Variants in ARHGEF3 observed in about 807,000 individuals in gnomAD.
The protein encoded by ARHGEF3 is 59.8 kDA protein.
ARHGEF3 carries 28 observed loss-of-function variants against 63.2 expected under a neutral mutation model. That is an observed-to-expected ratio of 0.44 (90% CI 0.33 to 0.61). The LOEUF (loss-of-function observed/expected upper bound fraction) is 0.61, where lower values mean the gene tolerates loss of function less well. Among genes scored for constraint, ARHGEF3 ranks in the 20% least tolerant of loss-of-function variants. The pLI is 0.03. For synonymous variants in ARHGEF3, 266 were observed against 254.2 expected (o/e 1.05, Z -0.44); for missense variants, 533 against 659.3 (o/e 0.81, Z 2.10).
intron 1 of ARHGEF3, among the ~76,000 whole-genome samples, chr3:57,061,518 T>G (rs1434674852): frequency 1.3e-5 from 2 of 152,226 alleles, no homozygotes; most frequent in African/African-American, 2.4e-5. Context: ...ACATACCACA[T>G]TTTGTTTATC....
intron 3 of ARHGEF3, among the ~76,000 whole-genome samples, chr3:56,918,385 C>T (rs1255090925): frequency 1.3e-5 from 2 of 152,244 alleles, no homozygotes; most frequent in Non-Finnish European, 2.9e-5. Context: ...GAAACATTCA[C>T]ATGAACAAAT....
chr3:56,750,571 A>T (rs996501718), intron 6 of ARHGEF3, among the ~76,000 whole-genome samples: 1 of 151,970 alleles, frequency 6.6e-6, no homozygotes, highest in African/African-American at 2.4e-5. Flanking sequence ...TGGCCTAAAA[A>T]GTTTTTTTTA....
At chr3:56,918,843 T>C (rs1197869294) in intron 3 of ARHGEF3, among the ~76,000 whole-genome samples, 1 of 152,242 alleles carries the variant, frequency 6.6e-6, no homozygotes, top group Admixed American at 6.5e-5. Context: ...TACATTTTAA[T>C]AGTAACATAG....
intron 1 of ARHGEF3, among the ~76,000 whole-genome samples, chr3:57,055,514 T>C: frequency 6.6e-6 from 1 of 152,200 alleles, no homozygotes; most frequent in Non-Finnish European, 1.5e-5. Flanking sequence ...CCTCATCTCA[T>C]GTAGAAATTC....
chr3:57,006,215 G>C (rs1702461089), intron 2 of ARHGEF3, among the ~76,000 whole-genome samples: 1 of 152,188 alleles, frequency 6.6e-6, no homozygotes, highest in Non-Finnish European at 1.5e-5. Flanking sequence ...AACCATCCCA[G>C]TCATGCATTA....
chr3:56,926,495 A>G (rs2042279082), intron 3 of ARHGEF3, among the ~76,000 whole-genome samples: 1 of 152,252 alleles, frequency 6.6e-6, no homozygotes. Context: ...AAGTACACAA[A>G]CATAAATATA....
intron 9 of ARHGEF3, among the ~76,000 whole-genome samples, chr3:56,730,794 C>A (rs2033095123): frequency 1.3e-5 from 2 of 152,196 alleles, no homozygotes; most frequent in African/African-American, 4.8e-5. Flanking sequence ...ACCCTGCAGC[C>A]AGTAGACTGG....
chr3:56,893,588 C>G (rs539411653), intron 3 of ARHGEF3, among the ~76,000 whole-genome samples: 1 of 152,116 alleles, frequency 6.6e-6, no homozygotes, highest in African/African-American at 2.4e-5. Context: ...GGCGGATCAC[C>G]TGAGGTCAGG....
chr3:56,848,244 G>A (rs893189212), intron 4 of ARHGEF3, among the ~76,000 whole-genome samples: 44 of 152,296 alleles, frequency 2.9e-4, no homozygotes, highest in Middle Eastern at 6.8e-3. Context: ...TAACTGTTAG[G>A]ACTGGGTGAG....
chr3:56,799,226 C>T (rs1176990921), intron 1 of ARHGEF3, among the ~76,000 whole-genome samples: 1 of 152,120 alleles, frequency 6.6e-6, no homozygotes, highest in African/African-American at 2.4e-5. Context: ...TCCCCAGGAG[C>T]CTTTTCCTAA....
rs1342180735 is a variant in ARHGEF3, at chr3:56,745,389, T to G, written c.686A>C (p.Lys229Thr). ...VAAKALLDHK[K>T]QDHRVQDFLQ... ...GAAATCCTGGACTCGGTGATCTTGC[T>G]TTTTGTGGTCCAGCAGAGCTTTGGC... The change falls in exon 7 of 10, where the codon AAG becomes ACG. Residue 229 changes from lysine to threonine, a missense_variant. Physicochemically the swap from Lys to Thr is moderately conservative, Grantham distance 78. Around this residue, in one of 4 missense-constraint regions of ARHGEF3, gnomAD observed 107 missense variants for 207.9 expected, o/e 0.51. Transcript: ENST00000296315. 1 of 1,614,034 alleles carries G rather than the reference T, an allele frequency of 6.2e-7. No homozygotes were observed. Among genetic ancestry groups the G allele is most frequent in the African/African-American group, 1.3e-5 (1 of 74,930 alleles).
intron 2 of ARHGEF3, among the ~76,000 whole-genome samples, chr3:57,012,598 T>C (rs1305561592): frequency 1.3e-5 from 2 of 152,148 alleles, no homozygotes; most frequent in African/African-American, 4.8e-5. Flanking sequence ...ACAACTGACA[T>C]AGAAGGTGGG....
chr3:57,014,118 C>G (rs1475337965), intron 2 of ARHGEF3, among the ~76,000 whole-genome samples: 1 of 151,994 alleles, frequency 6.6e-6, no homozygotes, highest in African/African-American at 2.4e-5. Context: ...CCAGACGTGA[C>G]CCCTTAAGAG....
chr3:56,861,601 T>C (rs890124793), intron 4 of ARHGEF3, among the ~76,000 whole-genome samples: 2 of 152,128 alleles, frequency 1.3e-5, no homozygotes, highest in African/African-American at 4.8e-5. Flanking sequence ...GAAGGGGCTA[T>C]GGATCTCCCA....
intron 1 of ARHGEF3, among the ~76,000 whole-genome samples, chr3:57,044,320 TG>T (rs1299458369): frequency 4.6e-5 from 7 of 151,922 alleles, no homozygotes; most frequent in Non-Finnish European, 8.8e-5. Context: ...GTGGTCCACT[TG>T]GGGGGGTTGG....
At chr3:57,040,618 T>C (rs775484963) in intron 1 of ARHGEF3, among the ~76,000 whole-genome samples, 19 of 151,962 alleles carry the variant, frequency 1.3e-4, no homozygotes, top group Non-Finnish European at 1.9e-4. Context: ...CAAAGTTCTG[T>C]TTCTTAATAC....
At chr3:56,913,108 G>C (rs761899721) in intron 3 of ARHGEF3, among the ~76,000 whole-genome samples, 2 of 151,680 alleles carry the variant, frequency 1.3e-5, no homozygotes, top group Non-Finnish European at 2.9e-5. Flanking sequence ...CACTGCACTC[G>C]AGCCTGGGCT....
chr3:56,847,659 C>A (rs982476873), intron 4 of ARHGEF3, among the ~76,000 whole-genome samples: 2 of 152,148 alleles, frequency 1.3e-5, no homozygotes, highest in Non-Finnish European at 2.9e-5. Context: ...CTCACTGCAA[C>A]CTTCGTCTCC....
chr3:56,975,672 C>T (rs1701097690), intron 2 of ARHGEF3: 1 of 304,268 alleles, frequency 3.3e-6, no homozygotes, highest in Non-Finnish European at 6.4e-6. Flanking sequence ...GGCAATCTGG[C>T]TCTAGAGTTG....
Sources: allele counts gnomAD v4.1 joint callset (sites outside exome capture counted in the v4.1 genomes callset), GRCh38; gene constraint gnomAD v4.1.1; regional missense constraint gnomAD v4.1.1; transcripts MANE v1.5; gene names NCBI Gene and HGNC (gene_info 2026-07-23, HGNC 2026-07-21).